Variants in BDP1 observed in about 807,000 individuals in gnomAD.
BDP1 encodes transcription factor TFIIIB component B'' homolog.
In BDP1, 169 loss-of-function variants were observed where a neutral mutation model predicts 266.6. That is an observed-to-expected ratio of 0.63 (90% confidence interval 0.56 to 0.72). The LOEUF (loss-of-function observed/expected upper bound fraction) is 0.72. Among genes scored for constraint, BDP1 ranks in the 30% least tolerant of loss-of-function variants. The probability of loss-of-function intolerance (pLI) is 0.00; values close to 1 mark genes in which losing one functional copy is unlikely to be tolerated. For synonymous variants in BDP1, 1,090 were observed against 1,022.4 expected (o/e 1.07, Z -1.26); for missense variants, 3,015 against 3,053.8 (o/e 0.99, Z 0.30).
intron 32 of BDP1, 106 bp from the exon 33 acceptor site, chr5:71,548,576 T>G: frequency 1.4e-6 from 1 of 727,338 alleles, no homozygotes. Flanking sequence ...TGTATATGGT[T>G]AGATGTTGTT....
chr5:71,507,541 A>G (rs1393598317), intron 16 of BDP1, among the ~76,000 whole-genome samples: 2 of 152,214 alleles, frequency 1.3e-5, no homozygotes, highest in Non-Finnish European at 2.9e-5. Flanking sequence ...TCAAGCATTT[A>G]TATGTTTAAA....
At chr5:71,562,940 T>C in intron 38 of BDP1, 1 of 1,221,008 alleles carries the variant, frequency 8.2e-7, no homozygotes. Flanking sequence ...ATCAAAGACT[T>C]TGTAAAAATA....
chr5:71,573,508 G>C, the BDP1 span, among the ~76,000 whole-genome samples: 1 of 152,230 alleles, frequency 6.6e-6, no homozygotes, highest in African/African-American at 2.4e-5. Context: ...AATTAAAAGT[G>C]AGTGTGGTAA....
intron 1 of BDP1, among the ~76,000 whole-genome samples, chr5:71,457,567 C>T (rs1213759726): frequency 2.0e-5 from 3 of 152,118 alleles, no homozygotes; most frequent in Non-Finnish European, 4.4e-5. Context: ...CCACCTGCCT[C>T]AGCCCAAAGT....
chr5:71,544,217 A>G (rs1211047414), intron 30 of BDP1, 140 bp from the exon 31 acceptor site: 6 of 709,318 alleles, frequency 8.5e-6, no homozygotes, highest in African/African-American at 7.2e-5. Flanking sequence ...TGCCATGTGT[A>G]TAAGCCTGAT....
At chr5:71,523,061 G>A (rs1765590685) in intron 24 of BDP1, 112 bp downstream of exon 24, 10 of 715,692 alleles carry the variant, frequency 1.4e-5, no homozygotes, top group Middle Eastern at 3.5e-4. Flanking sequence ...TTAGACATGG[G>A]TAGAAACTTG....
intron 20 of BDP1, 56 bp from the exon 21 acceptor site, chr5:71,516,005 A>G: frequency 1.6e-6 from 2 of 1,271,210 alleles, no homozygotes; most frequent in South Asian, 1.4e-5. Context: ...TTTTTACATT[A>G]GTTTTCAGCT....
At chr5:71,513,063 C>CAAAAAAA (rs34252624) in intron 18 of BDP1, 122 bp from the exon 19 acceptor site, 5 of 416,748 alleles carry the variant, frequency 1.2e-5, no homozygotes, top group Admixed American at 6.1e-5. Flanking sequence ...ACCCTGTCTC[C>CAAAAAAA]AAAAAAAAAA....
intron 2 of BDP1, among the ~76,000 whole-genome samples, chr5:71,459,494 A>C (rs1258980004): frequency 1.3e-5 from 2 of 152,244 alleles, no homozygotes; most frequent in African/African-American, 2.4e-5. Flanking sequence ...CCTGGGTGAT[A>C]GAGTGAAACT....
chr5:71,500,175 A>G (rs1051458215), intron 13 of BDP1, among the ~76,000 whole-genome samples: 1 of 152,036 alleles, frequency 6.6e-6, no homozygotes, highest in African/African-American at 2.4e-5. Context: ...TAATCTTTAT[A>G]GTACAGTTAC....
In BDP1 at chr5:71,470,403, AT is replaced by A; in HGVS notation, c.929del (p.Met310SerfsTer4). On this transcript the variant is annotated frameshift_variant, in exon 7 of 39. Coordinates refer to ENST00000358731, the MANE Select transcript of BDP1 (RefSeq NM_018429.3). LOFTEE classifies it high-confidence loss of function. ...SKPWSNKETD[M>X]FFLAISMVGT... ...ATCTTTTATTTTCACAGAAACAGATATGTTTTTTTTAGCCATCAGCATGGTA... is the reference window on the plus strand; with the variant it reads ...ATCTTTTATTTTCACAGAAACAGATAGTTTTTTTTAGCCATCAGCATGGTA... 2 of 1,597,238 alleles carry A rather than the reference AT, an allele frequency of 1.3e-6. No homozygotes were observed. Among genetic ancestry groups the A allele is most frequent in the Non-Finnish European group, 1.7e-6 (2 of 1,168,784 alleles).
Position 71,456,032 on chromosome 5 carries a change from A to T in BDP1, c.155A>T (p.Asp52Val). 6.2e-7 allele frequency: 1 copy of T among 1,613,542 alleles called. No homozygotes were observed. The highest frequency in any genetic ancestry group is 8.5e-7 in the Non-Finnish European group (1 of 1,180,020). The change falls in exon 1 of 39, where the codon GAT (aspartate) becomes GTT (valine). Residue 52 changes from aspartate to valine, a missense_variant. Coordinates refer to ENST00000358731, the MANE Select transcript of BDP1 (RefSeq NM_018429.3). ...DSASKPAEPT[D>V]VPTVDFGGAE... ...GCTTCCAAGCCCGCGGAGCCCACAG[A>T]TGTGCCCACAGTCGATTTCGGTGGA...
At chr5:71,570,152 C>G (rs1467948235), downstream of BDP1, among the ~76,000 whole-genome samples, 1 of 152,186 alleles carries the variant, frequency 6.6e-6, no homozygotes, top group Non-Finnish European at 1.5e-5. Context: ...ATCTTTCACG[C>G]AACCTCCATT....
intron 7 of BDP1, among the ~76,000 whole-genome samples, chr5:71,477,418 G>A (rs1438506141): frequency 6.6e-6 from 1 of 152,048 alleles, no homozygotes; most frequent in Non-Finnish European, 1.5e-5. Flanking sequence ...CAAAGTGCTG[G>A]CGTTACAGGC....
intron 2 of BDP1, among the ~76,000 whole-genome samples, chr5:71,461,202 A>G (rs2150346284): frequency 6.6e-6 from 1 of 151,792 alleles, no homozygotes. Flanking sequence ...CAGGCTGGTA[A>G]CTCCTGAGCT....
intron 32 of BDP1, among the ~76,000 whole-genome samples, chr5:71,547,617 A>C (rs1339216213): frequency 1.3e-5 from 2 of 152,200 alleles, no homozygotes; most frequent in Non-Finnish European, 2.9e-5. Flanking sequence ...TCCTGCCTTA[A>C]TCAGTTACTG....
intron 19 of BDP1, among the ~76,000 whole-genome samples, chr5:71,514,713 C>A (rs191188390): frequency 6.6e-6 from 1 of 151,826 alleles, no homozygotes; most frequent in Non-Finnish European, 1.5e-5. Flanking sequence ...TTGTCTTTTC[C>A]GGTGAGGGAG....
rs562715136 is a variant in BDP1, at chr5:71,470,680, C to T, written c.1014+191C>T. 1.3e-4 allele frequency among the ~76,000 whole-genome samples: 20 copies of T among 151,774 alleles called. No homozygotes were observed. In the South Asian group the frequency reaches 2.3e-3, roughly 17 times the overall value. On this transcript the variant is annotated intron_variant, in intron 7 of 38. Coordinates refer to ENST00000358731, the MANE Select transcript of BDP1 (RefSeq NM_018429.3). ...CTCGGCTCACTGCAACCTCTGCCTC[C>T]GGGTTCAAGCAATTCTCATGCCTCA...
At chr5:71,462,272 A>G (rs6872978) in intron 3 of BDP1, among the ~76,000 whole-genome samples, 46,260 of 151,912 alleles carry the variant, frequency 0.3, 8,055 homozygotes, top group East Asian at 0.51. Flanking sequence ...CTTCTGTTTT[A>G]CTTTATTTGG....
Sources: gnomAD v4.1 joint callset for allele counts (sites outside exome capture counted in the v4.1 genomes callset) on GRCh38, gnomAD v4.1.1 for gene constraint, MANE v1.5 for transcripts, NCBI Gene and HGNC (gene_info 2026-07-23, HGNC 2026-07-21) for gene names.